Variants in DOK7 observed in about 807,000 individuals in gnomAD.
DOK7 encodes the protein docking protein 7.
A neutral mutation model predicts 30.7 loss-of-function variants in DOK7; 32 were observed. That is an observed-to-expected ratio of 1.04 (90% CI 0.79 to 1.40). DOK7 has a LOEUF of 1.40. Among genes scored for constraint, DOK7 ranks in the 40% most tolerant of loss-of-function variants. The probability of loss-of-function intolerance (pLI) is 0.00; values close to 1 mark genes in which losing one functional copy is unlikely to be tolerated. For synonymous variants in DOK7, 447 were observed against 324.1 expected (o/e 1.38, Z -4.07); for missense variants, 1,007 against 699.2 (o/e 1.44, Z -4.97).
chr4:3,467,236 C>T (rs1726342740), intron 2 of DOK7, among the ~76,000 whole-genome samples: 1 of 145,898 alleles, frequency 6.9e-6, no homozygotes, highest in Non-Finnish European at 1.5e-5. Context: ...CTTCCCTGGG[C>T]CACCATGCCT....
intron 4 of DOK7, among the ~76,000 whole-genome samples, chr4:3,482,394 C>G (rs1161099544): frequency 6.6e-6 from 1 of 152,250 alleles, no homozygotes; most frequent in Non-Finnish European, 1.5e-5. Flanking sequence ...GGCTGGGTTG[C>G]CTCAGTTTCC....
At chr4:3,473,760 TG>T (rs1726911841) in intron 3 of DOK7, 124 bp downstream of exon 3, 1 of 976,480 alleles carries the variant, frequency 1.0e-6, no homozygotes, top group Non-Finnish European at 1.5e-6. Context: ...GGGACATTCA[TG>T]GGTGCCTTAG....
At position 3,492,747 on chromosome 4, in the gene DOK7, GCT is replaced by G. The variant is rs779759950; in HGVS notation, c.773-9_773-8del. On this transcript the variant is annotated splice_polypyrimidine_tract_variant and intron_variant, in intron 6 of 6. Transcript: ENST00000340083. ...ACCCCCACAACTGCCTTGGCTTCCT[GCT>G]CTGTCTCAGGGGATGACCGCAGCCT... 6 of 1,611,800 alleles carry G rather than the reference GCT, an allele frequency of 3.7e-6. No homozygotes were observed. Among genetic ancestry groups the G allele is most frequent in the South Asian group, 2.2e-5 (2 of 91,086 alleles).
intron 6 of DOK7, among the ~76,000 whole-genome samples, chr4:3,490,126 T>C (rs1370267691): frequency 8.7e-6 from 1 of 114,448 alleles, no homozygotes; most frequent in Non-Finnish European, 1.8e-5. Context: ...ATTCCTTTTC[T>C]CCCTGCTCAT....
In DOK7 at chr4:3,473,521, G is replaced by A; in HGVS notation, c.216G>A (p.Glu72=). The A allele has an allele frequency of 6.2e-7, 1 of 1,611,154 alleles. No homozygotes were observed. The highest frequency in any genetic ancestry group is 8.5e-7 in the Non-Finnish European group (1 of 1,179,772). The part of the protein sequence containing the change: ...ICGLEPGLPY[E]GLVHTLAIVC... ...GGCTGGAGCCCGGCCTGCCCTACGA[G>A]GGCCTGGTCCACACGCTGGCCATTG... is the stretch of plus-strand genomic sequence containing the variant. Residue 72 remains glutamate (E), a synonymous_variant, in exon 3 of 7, where the codon GAG becomes GAA. Coordinates refer to ENST00000340083, the MANE Select transcript of DOK7 (RefSeq NM_173660.5).
At chr4:3,483,998 C>T (rs1322991715) in intron 4 of DOK7, among the ~76,000 whole-genome samples, 1 of 152,228 alleles carries the variant, frequency 6.6e-6, no homozygotes, top group Non-Finnish European at 1.5e-5. Context: ...CCATGCCCAC[C>T]TCCAATTCTG....
intron 5 of DOK7, among the ~76,000 whole-genome samples, chr4:3,489,358 G>A (rs957243391): frequency 6.6e-6 from 1 of 152,160 alleles, no homozygotes; most frequent in African/African-American, 2.4e-5. Context: ...TTTTGGAACA[G>A]AAAATTGAAA....
At chr4:3,477,145 C>T (rs929374056) in intron 4 of DOK7, among the ~76,000 whole-genome samples, 9 of 149,364 alleles carry the variant, frequency 6.0e-5, no homozygotes, top group Admixed American at 2.0e-4. Context: ...CTGAGGTGCC[C>T]GCCGGGGCTG....
At position 3,485,631 on chromosome 4, in the gene DOK7, C is replaced by CGGTTCTA. The variant is rs752370846; in HGVS notation, c.625_626insGGTTCTA (p.Pro209ArgfsTer54). ...CCGAGGCATCTCCCCCACCAAGGGC[C>CGGTTCTA]CCTTTGGGCTGCGGCCGGTTCTACC... On this transcript the variant is annotated frameshift_variant, in exon 5 of 7. Coordinates refer to ENST00000340083, the MANE Select transcript of DOK7 (RefSeq NM_173660.5). LOFTEE classifies it high-confidence loss of function. 1.2e-6 allele frequency: 2 copies of CGGTTCTA among 1,603,220 alleles called. No individual in the cohort carries two copies. Among genetic ancestry groups the CGGTTCTA allele is most frequent in the Admixed American group, 1.7e-5 (1 of 59,314 alleles).
chr4:3,493,347 T>TGGTGATGGAGGCCCCC lies in DOK7; in HGVS notation c.1362_1377dup (p.Gln460GlyfsTer64). The TGGTGATGGAGGCCCCC allele has an allele frequency of 6.3e-7, 1 of 1,599,100 alleles. No homozygotes were observed. Among genetic ancestry groups the TGGTGATGGAGGCCCCC allele is most frequent in the Non-Finnish European group, 8.5e-7 (1 of 1,173,110 alleles). On this transcript the variant is annotated frameshift_variant, in exon 7 of 7. Transcript: ENST00000340083. LOFTEE classifies it high-confidence loss of function. The stretch of plus-strand genomic sequence containing the variant: ...TGGCTGGGCACGAGACGGCGGGGCC[T>TGGTGATGGAGGCCCCC]GGTGATGGAGGCCCCCCAGGGCAGC...
intron 4 of DOK7, among the ~76,000 whole-genome samples, chr4:3,477,827 G>A (rs1431510190): frequency 6.6e-6 from 1 of 151,896 alleles, no homozygotes; most frequent in African/African-American, 2.4e-5. Context: ...GTGAGCTGGT[G>A]CGGGGGGTGG....
At chr4:3,479,844 G>A (rs951678450) in intron 4 of DOK7, among the ~76,000 whole-genome samples, 8 of 152,202 alleles carry the variant, frequency 5.3e-5, no homozygotes, top group Non-Finnish European at 1.5e-5. Flanking sequence ...CCCCAGTGTG[G>A]CCCAATTCCC....
At chr4:3,494,555 A>T, downstream of DOK7, 1 of 980,980 alleles carries the variant, frequency 1.0e-6, no homozygotes, top group Non-Finnish European at 1.2e-6. Context: ...CTCTGCCTGG[A>T]TGCGAAGTCC....
rs1489578130 is a variant in DOK7, at chr4:3,470,614, C to T, written c.101-2792C>T. On this transcript the variant is annotated intron_variant, in intron 2 of 6. Coordinates refer to ENST00000340083, the MANE Select transcript of DOK7 (RefSeq NM_173660.5). ...TGGAAGGTGTGAGAAGCCGTCGTGG[C>T]AAATTCAACTCTTGGCCAGGAGTCG... 1.3e-5 allele frequency among the ~76,000 whole-genome samples: 2 copies of T among 152,204 alleles called. 1 individual carries two copies. Among genetic ancestry groups the T allele is most frequent in the Middle Eastern group, 6.3e-3 (2 of 316 alleles).
intron 5 of DOK7, among the ~76,000 whole-genome samples, chr4:3,486,517 A>G (rs1414122325): frequency 6.6e-6 from 1 of 152,064 alleles, no homozygotes; most frequent in African/African-American, 2.4e-5. Context: ...GTGGGGTGGG[A>G]CCTGGGCCTC....
chr4:3,479,919 A>G (rs2857986), intron 4 of DOK7, among the ~76,000 whole-genome samples: 28,822 of 152,244 alleles, frequency 0.19, 2,963 homozygotes, highest in African/African-American at 0.26. Flanking sequence ...CACTTGGCAC[A>G]TGGCAGGCGA....
chr4:3,468,540 A>ATGTGTGTGACTGTGAG lies in DOK7; in HGVS notation c.101-4858_101-4857insACTGTGAGTGTGTGTG, dbSNP rs1560205461. Among the ~76,000 whole-genome samples, 128 of 93,186 alleles carry ATGTGTGTGACTGTGAG rather than the reference A, an allele frequency of 1.4e-3. 1 individual carries two copies. The highest frequency in any genetic ancestry group is 3.7e-3 in the African/African-American group (67 of 17,916). The allele number at this position is 93,186 out of a possible 152,430, so 61.1% of individuals were successfully genotyped here. A position where few individuals can be genotyped will look rare whatever the true frequency, so the allele number is the denominator to read the frequency against. On this transcript the variant is annotated intron_variant, in intron 2 of 6. Transcript: ENST00000340083. ...TATGAGTGTGTGTGACTGTGAGTGT[A>ATGTGTGTGACTGTGAG]TGTGTGTGTGCCTGTGTGAGCATGT...
chr4:3,494,602 G>C, downstream of DOK7: 7 of 861,810 alleles, frequency 8.1e-6, no homozygotes, highest in Non-Finnish European at 9.8e-6. Context: ...CTCAGAGAGT[G>C]CGAGAGGCCT....
rs1349929054 is a variant in DOK7, at chr4:3,493,153, G to A, written c.1167G>A (p.Leu389=). The part of the protein sequence containing the change: ...GAPEPSLCTC[L]PGTVEYQVPT... ...CCGAGCCCAGCCTGTGCACCTGCCTGCCCGGGACAGTCGAGTACCAGGTGC... is the reference window on the plus strand; with the variant it reads ...CCGAGCCCAGCCTGTGCACCTGCCTACCCGGGACAGTCGAGTACCAGGTGC... The change falls in exon 7 of 7, where the codon CTG becomes CTA. Residue 389 remains leucine (L), a synonymous_variant. Coordinates refer to ENST00000340083, the MANE Select transcript of DOK7 (RefSeq NM_173660.5). The A allele has an allele frequency of 2.5e-6, 4 of 1,604,804 alleles. No homozygotes were observed. The highest frequency in any genetic ancestry group is 1.7e-6 in the Non-Finnish European group (2 of 1,177,202).
Sources: gnomAD v4.1 joint callset for allele counts (sites outside exome capture counted in the v4.1 genomes callset) on GRCh38, gnomAD v4.1.1 for gene constraint, MANE v1.5 for transcripts, NCBI Gene and HGNC (gene_info 2026-07-23, HGNC 2026-07-21) for gene names.